Variants in GFRA1 observed in about 807,000 individuals in gnomAD.
GFRA1 encodes GDNF family receptor alpha 1.
A neutral mutation model predicts 51.6 loss-of-function variants in GFRA1; 16 were observed. The observed-to-expected ratio is 0.31, with a 90% CI of 0.21 to 0.47. GFRA1 has a LOEUF of 0.47. GFRA1 is among the 20% of genes least tolerant of loss of function. The pLI, the probability that GFRA1 is intolerant of heterozygous loss-of-function variation, is 1.00. For synonymous variants in GFRA1, 270 were observed against 241.3 expected (o/e 1.12, Z -1.10); for missense variants, 530 against 594.3 (o/e 0.89, Z 1.13).
At chr10:116,147,212 G>A (rs534597300) in intron 5 of GFRA1, among the ~76,000 whole-genome samples, 1 of 152,272 alleles carries the variant, frequency 6.6e-6, no homozygotes, top group African/African-American at 2.4e-5. Context: ...CAGAAACAGA[G>A]AACACGCTGA....
intron 5 of GFRA1, among the ~76,000 whole-genome samples, chr10:116,199,080 T>A (rs1964129080): frequency 6.6e-6 from 1 of 152,124 alleles, no homozygotes; most frequent in African/African-American, 2.4e-5. Context: ...CCGGGACAGA[T>A]CCTCTTCTAG....
chr10:116,187,923 C>T (rs1962882226), intron 5 of GFRA1, among the ~76,000 whole-genome samples: 1 of 152,100 alleles, frequency 6.6e-6, no homozygotes, highest in Non-Finnish European at 1.5e-5. Flanking sequence ...CCTCCCCACG[C>T]CCTGCAAGTA....
chr10:116,270,418 CA>C (rs1843806981), intron 3 of GFRA1, among the ~76,000 whole-genome samples: 1 of 152,210 alleles, frequency 6.6e-6, no homozygotes, highest in South Asian at 2.1e-4. Context: ...GGGAACAAGA[CA>C]GGGGGAGTCC....
chr10:116,069,773 G>A (rs943105206), intron 9 of GFRA1, among the ~76,000 whole-genome samples: 7 of 152,162 alleles, frequency 4.6e-5, no homozygotes, highest in East Asian at 1.9e-4. Context: ...TGTGCAGAAC[G>A]CAGAGATGCA....
At chr10:116,155,136 A>G (rs188888685) in intron 5 of GFRA1, among the ~76,000 whole-genome samples, 2 of 152,268 alleles carry the variant, frequency 1.3e-5, no homozygotes, top group East Asian at 3.9e-4. Flanking sequence ...TATCTCATTT[A>G]ATACTCATGA....
At chr10:116,124,709 T>C (rs1957781683) in intron 6 of GFRA1, among the ~76,000 whole-genome samples, 2 of 152,174 alleles carry the variant, frequency 1.3e-5, no homozygotes, top group African/African-American at 4.8e-5. Context: ...AGGTGACCTC[T>C]TCACAGCGAC....
At chr10:116,106,225 G>T (rs1589793450) in intron 6 of GFRA1, among the ~76,000 whole-genome samples, 1 of 152,188 alleles carries the variant, frequency 6.6e-6, no homozygotes, top group African/African-American at 2.4e-5. Flanking sequence ...TCAGACTTCT[G>T]ACCCTATAGA....
chr10:116,268,679 C>G (rs764249416), intron 4 of GFRA1, among the ~76,000 whole-genome samples: 21 of 152,120 alleles, frequency 1.4e-4, no homozygotes, highest in Admixed American at 7.2e-4. Context: ...CGTTTAACCA[C>G]TGAGAGACAT....
chr10:116,128,331 A>G (rs760284272), intron 5 of GFRA1, among the ~76,000 whole-genome samples: 2 of 152,232 alleles, frequency 1.3e-5, no homozygotes, highest in Non-Finnish European at 2.9e-5. Context: ...TAAGTTTCAA[A>G]TAACATCATA....
At chr10:116,195,987 G>A (rs759023483) in intron 5 of GFRA1, among the ~76,000 whole-genome samples, 3 of 152,050 alleles carry the variant, frequency 2.0e-5, no homozygotes, top group Non-Finnish European at 4.4e-5. Flanking sequence ...ACACTCATAA[G>A]GTTCAATACA....
chr10:116,065,061 A>C lies in GFRA1; in HGVS notation c.1251+512T>G, dbSNP rs180952530. Among the ~76,000 whole-genome samples the C allele has an allele frequency of 1.5e-3, 226 of 152,270 alleles. 2 individuals carry two copies. Among genetic ancestry groups the C allele is most frequent in the African/African-American group, 5.3e-3 (219 of 41,560 alleles). ...GCACAGCTGTCCTTCCCCAGGATAG[A>C]GTCCTCCATCCCTGTCACCAGCACC... is the stretch of plus-strand genomic sequence containing the variant. On this transcript the variant is annotated intron_variant, in intron 10 of 10. Coordinates refer to ENST00000355422, the MANE Select transcript of GFRA1 (RefSeq NM_005264.8).
chr10:116,112,724 GCT>G (rs954283710), intron 6 of GFRA1, among the ~76,000 whole-genome samples: 9 of 152,222 alleles, frequency 5.9e-5, no homozygotes, highest in African/African-American at 2.2e-4. Context: ...TGGGCTCAGT[GCT>G]CCAGCCTGCC....
intron 5 of GFRA1, among the ~76,000 whole-genome samples, chr10:116,164,557 T>C (rs1460405902): frequency 6.6e-6 from 1 of 152,176 alleles, no homozygotes; most frequent in Non-Finnish European, 1.5e-5. Flanking sequence ...GGCTTCAGGG[T>C]GAACGGTCTT....
chr10:116,125,820 C>T, intron 5 of GFRA1, among the ~76,000 whole-genome samples: 1 of 152,214 alleles, frequency 6.6e-6, no homozygotes, highest in East Asian at 1.9e-4. Flanking sequence ...AAAACTCGGG[C>T]ACCTGCCCCA....
intron 4 of GFRA1, among the ~76,000 whole-genome samples, chr10:116,264,753 T>C (rs1969534689): frequency 6.6e-6 from 1 of 152,144 alleles, no homozygotes; most frequent in African/African-American, 2.4e-5. Context: ...GGAGATGGGG[T>C]GTGGGGCTTC....
At chr10:116,122,044 G>T (rs1957666652) in intron 6 of GFRA1, among the ~76,000 whole-genome samples, 1 of 152,182 alleles carries the variant, frequency 6.6e-6, no homozygotes, top group Non-Finnish European at 1.5e-5. Context: ...CCAGGCTCTG[G>T]AAAGAAATTA....
intron 4 of GFRA1, among the ~76,000 whole-genome samples, chr10:116,260,292 A>C (rs1423139434): frequency 6.6e-6 from 1 of 152,246 alleles, no homozygotes; most frequent in Admixed American, 6.5e-5. Context: ...ACACGTGTCA[A>C]GGAAGATCTT....
chr10:116,147,731 G>A (rs2134121295), intron 5 of GFRA1, among the ~76,000 whole-genome samples: 1 of 152,192 alleles, frequency 6.6e-6, no homozygotes, highest in South Asian at 2.1e-4. Context: ...TGAGAACGGA[G>A]GTGAAAGCTC....
intron 9 of GFRA1, among the ~76,000 whole-genome samples, chr10:116,081,701 G>A (rs1436199148): frequency 6.6e-6 from 1 of 152,186 alleles, no homozygotes; most frequent in Admixed American, 6.5e-5. Context: ...GGTGACCTAA[G>A]TTATCAAAGC....
Sources: allele counts gnomAD v4.1 joint callset (sites outside exome capture counted in the v4.1 genomes callset), GRCh38; gene constraint gnomAD v4.1.1; transcripts MANE v1.5; gene names NCBI Gene and HGNC (gene_info 2026-07-23, HGNC 2026-07-21).